Variants in PCGF3 observed in about 807,000 individuals in gnomAD.
PCGF3 encodes the protein polycomb group RING finger protein 3.
A neutral mutation model predicts 33.1 loss-of-function variants in PCGF3; 7 were observed. The ratio of observed to expected loss-of-function variants is 0.21; its 90% CI spans 0.12 to 0.40. PCGF3 has a LOEUF of 0.40. Among genes scored for constraint, PCGF3 ranks in the 10% least tolerant of loss-of-function variants. The pLI is 1.00. For missense variants in PCGF3, 211 were observed against 313.3 expected (o/e 0.67, Z 2.46); for synonymous variants, 153 against 121.3 (o/e 1.26, Z -1.72).
chr4:757,814 T>A (rs1472009074), intron 8 of PCGF3: 1 of 152,196 alleles, frequency 6.6e-6, no homozygotes, highest in Non-Finnish European at 1.5e-5. Context: ...GTTTGCAAGG[T>A]ATAAGCTCTA....
chr4:716,339 G>C (rs28420513), intron 1 of PCGF3, among the ~76,000 whole-genome samples: 1 of 128,666 alleles, frequency 7.8e-6, no homozygotes, highest in Admixed American at 7.3e-5. Context: ...GCGAGTGTGA[G>C]AACTGGGCGT....
At chr4:731,342 C>T in intron 3 of PCGF3, 1 of 400,800 alleles carries the variant, frequency 2.5e-6, no homozygotes, top group Admixed American at 4.4e-5. Context: ...TGGTCTCCTT[C>T]CGTCACTGGT....
chr4:711,756 C>T (rs1408106847), intron 1 of PCGF3, among the ~76,000 whole-genome samples: 1 of 151,740 alleles, frequency 6.6e-6, no homozygotes, highest in Non-Finnish European at 1.5e-5. Context: ...CGCACCCGGC[C>T]GAAAATGTAA....
At chr4:766,074 C>T (rs1223395765) in exon 11 of PCGF3, 3 of 1,614,002 alleles carry the variant, frequency 1.9e-6, no homozygotes, top group East Asian at 2.2e-5. Context: ...GATGGACTTG[C>T]TGTGAATGGT....
chr4:734,167 G>A (rs200188745), intron 4 of PCGF3: 21 of 1,505,586 alleles, frequency 1.4e-5, no homozygotes, highest in South Asian at 4.8e-5. Flanking sequence ...CCTGATGTGC[G>A]TCCTCACACC....
intron 8 of PCGF3, among the ~76,000 whole-genome samples, chr4:747,665 G>A (rs1184240156): frequency 7.3e-6 from 1 of 136,818 alleles, no homozygotes; most frequent in Non-Finnish European, 1.7e-5. Flanking sequence ...CGGGGCCCCG[G>A]GGTCGCTGCA....
At chr4:730,447 A>G (rs563395264) in intron 1 of PCGF3, among the ~76,000 whole-genome samples, 183 bp from the exon 2 acceptor site, 1 of 152,048 alleles carries the variant, frequency 6.6e-6, no homozygotes, top group East Asian at 1.9e-4. Flanking sequence ...GACGCCCGAC[A>G]GGCACCGAGA....
intron 6 of PCGF3, among the ~76,000 whole-genome samples, chr4:738,326 A>C (rs1210552068): frequency 6.6e-6 from 1 of 152,280 alleles, no homozygotes; most frequent in African/African-American, 2.4e-5. Flanking sequence ...CCCTACTCAC[A>C]GAGTTCATTC....
intron 9 of PCGF3, 99 bp downstream of exon 9, chr4:761,515 T>C: frequency 7.0e-7 from 1 of 1,438,554 alleles, no homozygotes; most frequent in Non-Finnish European, 9.3e-7. Context: ...TTTTTAACAA[T>C]TTTGGAGATT....
intron 8 of PCGF3, among the ~76,000 whole-genome samples, chr4:752,181 G>A (rs1744544860): frequency 6.6e-6 from 1 of 152,232 alleles, no homozygotes; most frequent in African/African-American, 2.4e-5. Flanking sequence ...AACTGGCGAA[G>A]CCGCCTCTTC....
At chr4:758,487 C>T (rs1318267789) in intron 8 of PCGF3, among the ~76,000 whole-genome samples, 2 of 140,334 alleles carry the variant, frequency 1.4e-5, no homozygotes, top group Admixed American at 7.1e-5. Context: ...GGCCCCTCTC[C>T]CGAGCTCTTC....
At chr4:728,507 G>T (rs979375017) in intron 1 of PCGF3, among the ~76,000 whole-genome samples, 10 of 152,226 alleles carry the variant, frequency 6.6e-5, no homozygotes, top group Non-Finnish European at 1.3e-4. Flanking sequence ...CATAGCTTCT[G>T]TGCAGACTCG....
intron 9 of PCGF3, 59 bp downstream of exon 9, chr4:761,475 C>G (rs1009044870): frequency 2.2e-5 from 33 of 1,474,534 alleles, no homozygotes; most frequent in Non-Finnish European, 2.8e-5. Flanking sequence ...CTAAAGGTAA[C>G]TCCAAGATTC....
intron 1 of PCGF3, among the ~76,000 whole-genome samples, chr4:728,992 C>T (rs1414915935): frequency 6.7e-6 from 1 of 148,262 alleles, no homozygotes; most frequent in Non-Finnish European, 1.5e-5. Context: ...CCCAGCTACT[C>T]GTGAGGCTGA....
chr4:735,135 C>T, intron 5 of PCGF3, 108 bp downstream of exon 5: 1 of 1,271,916 alleles, frequency 7.9e-7, no homozygotes, highest in Non-Finnish European at 1.1e-6. Flanking sequence ...CCTGCCTTGG[C>T]AGCAGCCTCT....
chr4:714,067 G>A (rs1742699197), intron 1 of PCGF3, among the ~76,000 whole-genome samples: 1 of 152,098 alleles, frequency 6.6e-6, no homozygotes, highest in African/African-American at 2.4e-5. Flanking sequence ...TCAGGCGTGG[G>A]GCCCTCGGAA....
intron 1 of PCGF3, among the ~76,000 whole-genome samples, chr4:727,303 C>T (rs1164734562): frequency 1.5e-5 from 2 of 134,048 alleles, no homozygotes; most frequent in Admixed American, 8.8e-5. Flanking sequence ...GTGCAAGGCG[C>T]GATCTCGGCT....
chr4:762,002 G>A, intron 9 of PCGF3: 2 of 985,296 alleles, frequency 2.0e-6, no homozygotes, highest in Non-Finnish European at 2.4e-6. Context: ...AGAAATGGAC[G>A]CAGGAGAGGC....
chr4:734,898 C>T (rs372818520), intron 4 of PCGF3, 33 bp from the exon 5 acceptor site: 17 of 1,605,212 alleles, frequency 1.1e-5, no homozygotes, highest in African/African-American at 9.3e-5. Flanking sequence ...TGGCTCTAGA[C>T]GCTCTCCTAA....
Sources: gnomAD v4.1 joint callset for allele counts (sites outside exome capture counted in the v4.1 genomes callset) on GRCh38, gnomAD v4.1.1 for gene constraint, MANE v1.5 for transcripts, NCBI Gene and HGNC (gene_info 2026-07-23, HGNC 2026-07-21) for gene names.